The following DISP1 variants were observed in gnomAD, a reference collection of about 807,000 sequenced individuals.
DISP1 encodes the protein dispatched RND transporter family member 1.
DISP1 carries 30 observed loss-of-function variants against 37.3 expected under a neutral mutation model. The ratio of observed to expected loss-of-function variants is 0.80; its 90% CI spans 0.60 to 1.09. The LOEUF (loss-of-function observed/expected upper bound fraction) is 1.09, where lower values mean the gene tolerates loss of function less well. Ranked by LOEUF, DISP1 falls within the 50% of genes least tolerant of loss-of-function variation. The pLI is 0.00. For synonymous variants in DISP1, 634 were observed against 690.2 expected, an observed-to-expected ratio of 0.92 and a Z score of 1.28; for missense variants, 1,598 against 1,879.5, an observed-to-expected ratio of 0.85 and a Z score of 2.77.
chr1:222,970,329 C>CT (rs746115095), intron 3 of DISP1, among the ~76,000 whole-genome samples: 242 of 151,374 alleles, frequency 1.6e-3, no homozygotes, highest in South Asian at 2.7e-3. Flanking sequence ...TTTTTGAGCT[C>CT]TTTTTTTTTA....
At chr1:222,927,420 G>A (rs780983149) in intron 1 of DISP1, among the ~76,000 whole-genome samples, 1 of 152,006 alleles carries the variant, frequency 6.6e-6, no homozygotes, top group African/African-American at 2.4e-5. Flanking sequence ...TTGTTGAGTT[G>A]TAAGAGCTTT....
chr1:222,848,143 A>G (rs1337703991), intron 1 of DISP1, among the ~76,000 whole-genome samples: 1 of 152,272 alleles, frequency 6.6e-6, no homozygotes, highest in Non-Finnish European at 1.5e-5. Flanking sequence ...TTGATTTGAA[A>G]TGCCATCTCC....
At chr1:222,847,044 A>C (rs577318615) in intron 1 of DISP1, among the ~76,000 whole-genome samples, 4 of 152,354 alleles carry the variant, frequency 2.6e-5, no homozygotes, top group East Asian at 3.9e-4. Context: ...TTCCAATACA[A>C]CTTGACCATT....
intron 1 of DISP1, among the ~76,000 whole-genome samples, chr1:222,853,551 T>C (rs1668387966): frequency 6.6e-6 from 1 of 152,114 alleles, no homozygotes; most frequent in Non-Finnish European, 1.5e-5. Flanking sequence ...CGGAACACTA[T>C]TTGGCCGTAA....
intron 2 of DISP1, among the ~76,000 whole-genome samples, chr1:222,941,438 T>C (rs1178217812): frequency 2.0e-5 from 3 of 152,196 alleles, no homozygotes; most frequent in Non-Finnish European, 4.4e-5. Flanking sequence ...CTTGATTTTA[T>C]ATATATTTTG....
intron 1 of DISP1, among the ~76,000 whole-genome samples, chr1:222,875,471 A>T (rs1167865220): frequency 6.6e-6 from 1 of 151,822 alleles, no homozygotes; most frequent in Non-Finnish European, 1.5e-5. Flanking sequence ...ATATGTAGGG[A>T]ACCAGAGCCT....
At chr1:222,848,066 A>G (rs932217349) in intron 1 of DISP1, among the ~76,000 whole-genome samples, 2 of 151,678 alleles carry the variant, frequency 1.3e-5, no homozygotes, top group Non-Finnish European at 2.9e-5. Flanking sequence ...ATCTAATTAT[A>G]TTTTATTTTT....
chr1:222,899,221 C>T (rs1352701773), intron 1 of DISP1, among the ~76,000 whole-genome samples: 1 of 152,132 alleles, frequency 6.6e-6, no homozygotes, highest in East Asian at 1.9e-4. Context: ...CCCCAAATTT[C>T]AGCCTGTTTG....
At chr1:222,840,524 G>T (rs895088144) in intron 1 of DISP1, among the ~76,000 whole-genome samples, 4 of 148,344 alleles carry the variant, frequency 2.7e-5, no homozygotes, top group African/African-American at 9.9e-5. Flanking sequence ...TTACAGGCGT[G>T]AGCCACCATG....
intron 3 of DISP1, among the ~76,000 whole-genome samples, chr1:222,971,972 G>A (rs1164309164): frequency 6.6e-6 from 1 of 152,038 alleles, no homozygotes; most frequent in Non-Finnish European, 1.5e-5. Flanking sequence ...GTTCCAAAAT[G>A]TACTTATAAA....
At chr1:222,840,183 A>G (rs1667505462) in intron 1 of DISP1, among the ~76,000 whole-genome samples, 1 of 152,154 alleles carries the variant, frequency 6.6e-6, no homozygotes, top group Non-Finnish European at 1.5e-5. Context: ...GGTAAAGTCG[A>G]ACTATTATAA....
At chr1:222,908,147 A>T (rs531574975) in intron 1 of DISP1, among the ~76,000 whole-genome samples, 69 of 152,254 alleles carry the variant, frequency 4.5e-4, no homozygotes, top group Admixed American at 9.2e-4. Flanking sequence ...GTACAATGTC[A>T]ATTTATTATG....
intron 1 of DISP1, among the ~76,000 whole-genome samples, chr1:222,879,797 T>C (rs1029386256): frequency 2.0e-5 from 3 of 152,174 alleles, no homozygotes; most frequent in African/African-American, 7.2e-5. Context: ...ATTTAATTTC[T>C]CTACTAATCA....
chr1:222,940,597 T>G (rs189357280), intron 2 of DISP1, among the ~76,000 whole-genome samples: 2 of 152,334 alleles, frequency 1.3e-5, no homozygotes, highest in African/African-American at 4.8e-5. Context: ...TTAGAATCAG[T>G]AGAATTGATT....
In DISP1 at chr1:222,851,776, CT is replaced by C. The variant is rs71178503; in HGVS notation, c.-159+36712del. Among the ~76,000 whole-genome samples, 760 of 143,992 alleles carry C rather than the reference CT, an allele frequency of 5.3e-3. 4 individuals are homozygous for C. Among genetic ancestry groups the C allele is most frequent in the East Asian group, 0.04 (200 of 4,952 alleles). 94.5% of individuals were successfully genotyped at this position (143,992 alleles called of 152,430 possible). A position where few individuals can be genotyped will look rare whatever the true frequency, so the allele number is the denominator to read the frequency against. ...TCAATTTAAAACAAGGTAAATATTT[CT>C]TTTTTTTTTTTTTCCATTTCTGTGT... On this transcript the variant is annotated intron_variant, in intron 1 of 8. Transcript: ENST00000675850.
At chr1:222,985,454 A>C (rs548356407) in intron 4 of DISP1, among the ~76,000 whole-genome samples, 2 of 152,330 alleles carry the variant, frequency 1.3e-5, no homozygotes, top group East Asian at 3.9e-4. Context: ...GTTCGAGACC[A>C]GCCTGGCCAA....
At chr1:222,944,773 CATA>C (rs1674645539) in intron 3 of DISP1, among the ~76,000 whole-genome samples, 1 of 152,224 alleles carries the variant, frequency 6.6e-6, no homozygotes, top group South Asian at 2.1e-4. Context: ...CTTTGCTCAG[CATA>C]ATATTTTTGA....
intron 1 of DISP1, among the ~76,000 whole-genome samples, chr1:222,831,908 G>A (rs36032255): frequency 0.11 from 17,161 of 152,114 alleles, 1,282 homozygotes; most frequent in South Asian, 0.16. Context: ...GAGGTGATTG[G>A]TCATCTATTC....
chr1:222,822,289 G>C (rs1168267782), intron 1 of DISP1, among the ~76,000 whole-genome samples: 1 of 152,188 alleles, frequency 6.6e-6, no homozygotes, highest in African/African-American at 2.4e-5. Context: ...GTGACATGGT[G>C]TGTTTAGCTA....
Sources: allele counts gnomAD v4.1 joint callset (sites outside exome capture counted in the v4.1 genomes callset), GRCh38; gene constraint gnomAD v4.1.1; transcripts MANE v1.5; gene names NCBI Gene and HGNC (gene_info 2026-07-23, HGNC 2026-07-21).